The following ECHDC2 variants were observed in gnomAD, a reference collection of about 807,000 sequenced individuals.
The protein encoded by ECHDC2 is enoyl-CoA hydratase domain containing 2, also known as enoyl-CoA hydratase domain-containing protein 2, mitochondrial.
In ECHDC2, 34 loss-of-function variants were observed where a neutral mutation model predicts 40.6. The ratio of observed to expected loss-of-function variants is 0.84; its 90% CI spans 0.64 to 1.11. The LOEUF (loss-of-function observed/expected upper bound fraction) is 1.11. Ranked by LOEUF, ECHDC2 falls within the 50% of genes most tolerant of loss-of-function variation. The pLI, the probability that ECHDC2 is intolerant of heterozygous loss-of-function variation, is 0.00. For missense variants in ECHDC2, 392 were observed against 400.7 expected, an observed-to-expected ratio of 0.98 and a Z score of 0.19; for synonymous variants, 162 against 166.6, an observed-to-expected ratio of 0.97 and a Z score of 0.21.
intron 1 of ECHDC2, 140 bp from the exon 2 acceptor site, chr1:52,911,930 C>A: frequency 6.8e-7 from 1 of 1,474,424 alleles, no homozygotes; most frequent in South Asian, 1.3e-5. Context: ...ACAAGTCACA[C>A]ACTCAGGCAG....
At chr1:52,908,029 A>G in intron 3 of ECHDC2, 75 bp from the exon 4 acceptor site, 3 of 1,386,032 alleles carry the variant, frequency 2.2e-6, no homozygotes, top group South Asian at 1.2e-5. Context: ...TAAAGGATCC[A>G]GCAAAGAAGA....
chr1:52,908,904 C>T (rs997090455), intron 3 of ECHDC2, among the ~76,000 whole-genome samples: 3 of 137,600 alleles, frequency 2.2e-5, no homozygotes, highest in Admixed American at 7.8e-5. Context: ...TGTGCCACTG[C>T]GCTCCATCCT....
At chr1:52,909,447 C>A (rs1030661324) in intron 3 of ECHDC2, among the ~76,000 whole-genome samples, 2 of 150,772 alleles carry the variant, frequency 1.3e-5, no homozygotes, top group African/African-American at 4.9e-5. Flanking sequence ...AATCTTTTGG[C>A]TTTCCTGGGC....
At chr1:52,921,367 A>T in intron 1 of ECHDC2, 186 bp downstream of exon 1, 1 of 1,340,920 alleles carries the variant, frequency 7.5e-7, no homozygotes, top group Non-Finnish European at 9.6e-7. Flanking sequence ...GCCCCCAGCT[A>T]GAGTCTGGAG....
chr1:52,911,470 G>A, intron 3 of ECHDC2, 96 bp downstream of exon 3: 2 of 1,185,332 alleles, frequency 1.7e-6, no homozygotes, highest in Non-Finnish European at 1.2e-6. Context: ...TGGCAACAAT[G>A]AGTCCCATGC....
chr1:52,915,142 CTTCTAGGCTGT>C, intron 1 of ECHDC2: 1 of 451,684 alleles, frequency 2.2e-6, no homozygotes, highest in South Asian at 1.6e-5. Flanking sequence ...CTTATCATCC[CTTCTAGGCTGT>C]TTCTCCTCCT....
chr1:52,919,392 G>C (rs1651414244), intron 1 of ECHDC2, among the ~76,000 whole-genome samples: 1 of 152,176 alleles, frequency 6.6e-6, no homozygotes, highest in African/African-American at 2.4e-5. Flanking sequence ...GTTGCCTACA[G>C]TATTCAGCCC....
intron 3 of ECHDC2, among the ~76,000 whole-genome samples, chr1:52,911,090 C>T (rs922799819): frequency 2.6e-5 from 4 of 152,022 alleles, no homozygotes; most frequent in African/African-American, 9.7e-5. Flanking sequence ...AATTCTCCTG[C>T]CTCAGCCTCC....
chr1:52,917,608 G>C (rs1211805142), intron 1 of ECHDC2: 1 of 456,100 alleles, frequency 2.2e-6, no homozygotes. Context: ...GAGAACCTTA[G>C]TGCCCAGCTA....
At position 52,914,850 on chromosome 1, in the gene ECHDC2, G is replaced by A. The variant is rs1308661920; in HGVS notation, c.122-3060C>T. On this transcript the variant is annotated intron_variant, in intron 1 of 9. Coordinates refer to ENST00000371522, the MANE Select transcript of ECHDC2 (RefSeq NM_001198961.2). This position sits in a 1 kb window ranked among gnomAD's most constrained non-coding sequence, Gnocchi z 4.0. ...ATTAATCTGGCATAGGCTCTTTCCT[G>A]CATCCCTCGGATCACCCACCTGGCC... Among the ~76,000 whole-genome samples, 1 of 152,048 alleles carries A rather than the reference G, an allele frequency of 6.6e-6. No individual in the cohort carries two copies. Among genetic ancestry groups the A allele is most frequent in the Non-Finnish European group, 1.5e-5 (1 of 68,016 alleles).
chr1:52,920,670 A>C (rs1045692005), intron 1 of ECHDC2: 48 of 683,578 alleles, frequency 7.0e-5, no homozygotes, highest in Middle Eastern at 8.3e-4. Context: ...TCCCTGCCAT[A>C]ACATCTTTTG....
chr1:52,921,451 G>T (rs1572016929), intron 1 of ECHDC2, 102 bp downstream of exon 1: 22 of 1,459,620 alleles, frequency 1.5e-5, no homozygotes, highest in Non-Finnish European at 1.8e-5. Context: ...AGGGACTGGG[G>T]ATCGAATCCT....
At chr1:52,919,345 T>G (rs140593669) in intron 1 of ECHDC2, among the ~76,000 whole-genome samples, 17 of 152,304 alleles carry the variant, frequency 1.1e-4, no homozygotes, top group Non-Finnish European at 2.4e-4. Context: ...TACTGTGCCT[T>G]TTCTATGTTC....
intron 8 of ECHDC2, chr1:52,897,773 G>A: frequency 1.9e-6 from 1 of 520,026 alleles, no homozygotes; most frequent in Non-Finnish European, 3.5e-6. Flanking sequence ...CTGGGCCCTG[G>A]CAATTGCTCC....
intron 1 of ECHDC2, chr1:52,913,956 G>GT (rs1650126517): frequency 1.7e-6 from 2 of 1,176,972 alleles, no homozygotes; most frequent in Non-Finnish European, 2.1e-6. Context: ...TTTTAAGTGC[G>GT]TAAGTTCCTT....
chr1:52,899,050 C>A (rs1646817067), intron 8 of ECHDC2, 124 bp downstream of exon 8: 2 of 967,472 alleles, frequency 2.1e-6, no homozygotes, highest in Non-Finnish European at 3.3e-6. Flanking sequence ...GGTCAGAGTT[C>A]AAGTCTGTTA....
intron 8 of ECHDC2, 117 bp downstream of exon 8, chr1:52,899,057 G>A (rs1488571664): frequency 1.6e-5 from 16 of 1,031,132 alleles, no homozygotes; most frequent in Non-Finnish European, 2.4e-5. Context: ...GTTCAAGTCT[G>A]TTAGAAGAGT....
intron 1 of ECHDC2, among the ~76,000 whole-genome samples, chr1:52,918,236 G>T (rs1371244650): frequency 6.6e-6 from 1 of 151,970 alleles, no homozygotes; most frequent in African/African-American, 2.4e-5. Flanking sequence ...TGTTTCCCAG[G>T]CTGGTCTCAA....
chr1:52,899,552 T>C, intron 7 of ECHDC2: 1 of 309,438 alleles, frequency 3.2e-6, no homozygotes, highest in Non-Finnish European at 6.0e-6. Context: ...TAGGCTGGTG[T>C]CATCACTGAT....
Sources: gnomAD v4.1 joint callset for allele counts (sites outside exome capture counted in the v4.1 genomes callset) on GRCh38, gnomAD v4.1.1 for gene constraint, Gnocchi (gnomAD v3.1) non-coding constraint, MANE v1.5 for transcripts, NCBI Gene and HGNC (gene_info 2026-07-23, HGNC 2026-07-21) for gene names.